Variants in NWD1 observed in about 807,000 individuals in gnomAD.
NWD1 encodes NACHT and WD repeat domain containing 1, also known as NACHT domain- and WD repeat-containing protein 1.
A neutral mutation model predicts 135.1 loss-of-function variants in NWD1; 129 were observed. The ratio of observed to expected loss-of-function variants is 0.96; its 90% CI spans 0.83 to 1.11. The LOEUF is 1.11. Among genes scored for constraint, NWD1 ranks in the 50% least tolerant of loss-of-function variants. NWD1 has a pLI of 0.00. For synonymous variants in NWD1, 773 were observed against 786.0 expected, an observed-to-expected ratio of 0.98 and a Z score of 0.28; for missense variants, 1,740 against 1,851.3, an observed-to-expected ratio of 0.94 and a Z score of 1.10.
chr19:16,776,819 A>G (rs1222764075), intron 11 of NWD1, among the ~76,000 whole-genome samples: 1 of 144,374 alleles, frequency 6.9e-6, no homozygotes, highest in African/African-American at 2.6e-5. Flanking sequence ...GTATGTGCCT[A>G]TAGTCTCAGC....
At chr19:16,788,242 A>C (rs1314940506) in intron 12 of NWD1, among the ~76,000 whole-genome samples, 1 of 101,054 alleles carries the variant, frequency 9.9e-6, no homozygotes. Flanking sequence ...AAATAATAAT[A>C]ATAATAATAA....
intron 12 of NWD1, among the ~76,000 whole-genome samples, chr19:16,783,967 T>C (rs982656327): frequency 2.6e-5 from 4 of 151,958 alleles, no homozygotes; most frequent in Non-Finnish European, 4.4e-5. Context: ...ATCCCAACAC[T>C]TCGGGAGGCC....
intron 18 of NWD1, among the ~76,000 whole-genome samples, chr19:16,811,242 C>T (rs1599569149): frequency 1.3e-5 from 2 of 152,170 alleles, no homozygotes; most frequent in African/African-American, 2.4e-5. Flanking sequence ...AGCTAACATC[C>T]GTATAACCAA....
chr19:16,754,366 TATC>T (rs1968700613), intron 6 of NWD1, among the ~76,000 whole-genome samples: 1 of 148,864 alleles, frequency 6.7e-6, no homozygotes, highest in South Asian at 2.2e-4. Context: ...CCATCATCTC[TATC>T]ATCCATCCAC....
chr19:16,760,860 G>A (rs1225331549), intron 7 of NWD1, among the ~76,000 whole-genome samples: 1 of 152,050 alleles, frequency 6.6e-6, no homozygotes, highest in Non-Finnish European at 1.5e-5. Context: ...AAAGTGCTGG[G>A]GTTACAGGCG....
rs903539123 is a variant in NWD1 at position 16,724,455 on chromosome 19, G to T, written c.-15G>T. On this transcript the variant is annotated 5_prime_UTR_variant, in exon 2 of 19. Coordinates refer to ENST00000524140, the MANE Select transcript of NWD1 (RefSeq NM_001007525.5). Reference sequence around the variant, plus strand: ...AGCCGGCATTCCAACCAGGCTCACGGATGCCAAGGTATACGCGTGTTCTCT... The same window carrying T: ...AGCCGGCATTCCAACCAGGCTCACGTATGCCAAGGTATACGCGTGTTCTCT... The T allele has an allele frequency of 2.0e-4, 31 of 152,176 alleles. No individual in the cohort carries two copies. The highest frequency in any genetic ancestry group is 7.5e-4 in the African/African-American group (31 of 41,444). The allele number at this position is 152,176 out of a possible 1,614,324, so 9.4% of individuals were successfully genotyped here.
At chr19:16,761,228 G>GTA (rs2122880402) in intron 7 of NWD1, among the ~76,000 whole-genome samples, 1 of 152,248 alleles carries the variant, frequency 6.6e-6, no homozygotes, top group Non-Finnish European at 1.5e-5. Context: ...ATATTTCATT[G>GTA]TATGGATGGA....
In NWD1 at chr19:16,789,118, C is replaced by T. The variant is rs115545495; in HGVS notation, c.2868C>T (p.Pro956=). The T allele has an allele frequency of 1.6e-3, 2,606 of 1,613,944 alleles. 42 individuals are homozygous for T. The African/African-American group carries it at 0.028, about 17-fold the overall frequency. Residue 956 remains proline, a synonymous_variant, in exon 13 of 19, where the codon CCC becomes CCT. Coordinates refer to ENST00000524140, the MANE Select transcript of NWD1 (RefSeq NM_001007525.5). ...TTTGGGATGGAGGCTCAAAAAATCC[C>T]GCTGAACCTCAGATCTGGAACCTTC... The part of the protein sequence containing the change: ...FTIWDGGSKN[P]AEPQIWNLHV...
intron 5 of NWD1, among the ~76,000 whole-genome samples, chr19:16,746,053 C>T (rs773916): frequency 0.13 from 19,892 of 152,078 alleles, 2,402 homozygotes; most frequent in African/African-American, 0.32. Flanking sequence ...ACTAATAGCC[C>T]ACCAATCACA....
At chr19:16,805,903 C>G (rs1476696085) in intron 17 of NWD1, among the ~76,000 whole-genome samples, 1 of 149,940 alleles carries the variant, frequency 6.7e-6, no homozygotes, top group African/African-American at 2.5e-5. Context: ...GAGTTTCCAT[C>G]TGTTGCCCGG....
chr19:16,760,360 G>A (rs1968964300), intron 7 of NWD1, among the ~76,000 whole-genome samples: 1 of 150,716 alleles, frequency 6.6e-6, no homozygotes, highest in Admixed American at 6.6e-5. Flanking sequence ...CTGGACTCAA[G>A]CAACCCTCCC....
chr19:16,743,654 A>ATATT (rs780381926), intron 4 of NWD1, among the ~76,000 whole-genome samples: 5 of 149,868 alleles, frequency 3.3e-5, no homozygotes, highest in Non-Finnish European at 7.4e-5. Flanking sequence ...GAAACCATAC[A>ATATT]TATTTATTTA....
In NWD1 at chr19:16,773,107, C is replaced by T; in HGVS notation, c.2411-19C>T. ...GGGGGCTCAATCCAGGCAACTTAGTCTACATCCCTTTGTTGCAGAGAGGAG... is the reference window on the plus strand; with the variant it reads ...GGGGGCTCAATCCAGGCAACTTAGTTTACATCCCTTTGTTGCAGAGAGGAG... On this transcript the variant is annotated intron_variant, in intron 10 of 18. Coordinates refer to ENST00000524140, the MANE Select transcript of NWD1 (RefSeq NM_001007525.5). 6.2e-7 allele frequency: 1 copy of T among 1,611,008 alleles called. No homozygotes were observed. The highest frequency in any genetic ancestry group is 8.5e-7 in the Non-Finnish European group (1 of 1,177,694).
intron 5 of NWD1, among the ~76,000 whole-genome samples, chr19:16,747,492 T>C (rs976319267): frequency 2.6e-5 from 4 of 151,788 alleles, no homozygotes; most frequent in African/African-American, 9.7e-5. Flanking sequence ...TCCTCCCACC[T>C]CAGCCTTCCC....
chr19:16,748,410 A>T (rs1599458912), intron 5 of NWD1, among the ~76,000 whole-genome samples: 1 of 152,220 alleles, frequency 6.6e-6, no homozygotes, highest in East Asian at 1.9e-4. Context: ...CTGGGAGTGG[A>T]ATTGCTGGGC....
chr19:16,728,503 T>A (rs1967417608), intron 2 of NWD1, among the ~76,000 whole-genome samples: 1 of 151,892 alleles, frequency 6.6e-6, no homozygotes, highest in Non-Finnish European at 1.5e-5. Flanking sequence ...CAGGCTGGTG[T>A]CAAACTCCTG....
At chr19:16,757,068 T>C (rs1398713398) in intron 6 of NWD1, among the ~76,000 whole-genome samples, 1 of 151,578 alleles carries the variant, frequency 6.6e-6, no homozygotes, top group East Asian at 1.9e-4. Flanking sequence ...TGATGGGGAG[T>C]TGTAGAATTA....
At chr19:16,736,240 T>TTC (rs1555717158) in intron 3 of NWD1, among the ~76,000 whole-genome samples, 25 of 16,984 alleles carry the variant, frequency 1.5e-3, no homozygotes, top group African/African-American at 2.9e-3. Context: ...TTCCTCTCTC[T>TTC]CTTTCTTTTG....
intron 5 of NWD1, among the ~76,000 whole-genome samples, chr19:16,747,039 CTT>C (rs202225653): frequency 8.0e-5 from 11 of 137,968 alleles, no homozygotes; most frequent in African/African-American, 1.1e-4. Flanking sequence ...CTTTTTCTTT[CTT>C]TTTTTTTTTT....
Sources: allele counts gnomAD v4.1 joint callset (sites outside exome capture counted in the v4.1 genomes callset), GRCh38; gene constraint gnomAD v4.1.1; transcripts MANE v1.5; gene names NCBI Gene and HGNC (gene_info 2026-07-23, HGNC 2026-07-21).